PTPRN: variants seen among roughly 807,000 people sequenced by gnomAD.
The protein encoded by PTPRN is receptor-type tyrosine-protein phosphatase-like N.
PTPRN carries 70 observed loss-of-function variants against 108.5 expected under a neutral mutation model. That is an observed-to-expected ratio of 0.65 (90% CI 0.53 to 0.79). The LOEUF is 0.79. Ranked by LOEUF, PTPRN falls within the 30% of genes least tolerant of loss-of-function variation. PTPRN has a pLI of 0.00. For missense variants in PTPRN, 1,136 were observed against 1,295.5 expected, an observed-to-expected ratio of 0.88 and a Z score of 1.89; for synonymous variants, 496 against 524.6, an observed-to-expected ratio of 0.95 and a Z score of 0.75.
At chr2:219,307,364 A>G in intron 3 of PTPRN, 80 bp downstream of exon 3, 1 of 1,230,002 alleles carries the variant, frequency 8.1e-7, no homozygotes, top group Non-Finnish European at 1.2e-6. Context: ...TGATAGGAAT[A>G]TTCCTTGAAG....
rs528220916 is a variant in PTPRN at position 219,297,582 on chromosome 2, T to C, written c.1888-149A>G. On this transcript the variant is annotated intron_variant, in intron 13 of 22. Transcript: ENST00000295718. The surrounding 1 kb of genome is among the most constrained non-coding windows in gnomAD (Gnocchi z 6.0). ...GGTATGGTCTTCTGCCTGGCCCTGA[T>C]CCTTTCCAGGGCTGTTTTGCTTGGG... 2.4e-6 allele frequency: 2 copies of C among 838,668 alleles called. No homozygotes were observed. The highest frequency in any genetic ancestry group is 3.4e-5 in the African/African-American group (2 of 58,526). 52.0% of individuals were successfully genotyped at this position (838,668 alleles called of 1,614,324 possible). A position where few individuals can be genotyped will look rare whatever the true frequency, so the allele number is the denominator to read the frequency against.
chr2:219,295,262 A>C, intron 18 of PTPRN, 121 bp from the exon 19 acceptor site: 1 of 1,107,514 alleles, frequency 9.0e-7, no homozygotes, highest in Non-Finnish European at 1.3e-6. Flanking sequence ...GCCGGTTCAA[A>C]TTCTAAGTTC....
chr2:219,290,778 CT>C lies in PTPRN; in HGVS notation c.2794+47del. 1 of 1,586,966 alleles carries C rather than the reference CT, an allele frequency of 6.3e-7. No homozygotes were observed. Among genetic ancestry groups the C allele is most frequent in the Non-Finnish European group, 8.7e-7 (1 of 1,155,526 alleles). On this transcript the variant is annotated intron_variant, in intron 21 of 22. Transcript: ENST00000295718. This position sits in a 1 kb window ranked among gnomAD's most constrained non-coding sequence, Gnocchi z 4.2. The stretch of plus-strand genomic sequence containing the variant: ...CCCAGGACCCTGTGTGCTGGGGAGC[CT>C]CTAAAAAGGGCCTGGGGGCTGCGGG...
intron 19 of PTPRN, chr2:219,292,972 C>T (rs1443554607): frequency 1.3e-5 from 2 of 152,142 alleles, no homozygotes; most frequent in Admixed American, 6.5e-5. Flanking sequence ...CTCTCCCAGC[C>T]GTGGAAAAAT....
At chr2:219,307,686 C>T in intron 2 of PTPRN, 106 bp downstream of exon 2, 2 of 1,496,924 alleles carry the variant, frequency 1.3e-6, no homozygotes, top group South Asian at 1.2e-5. Flanking sequence ...CTTCCTTCTT[C>T]TCAAGCCCAG....
At chr2:219,306,195 A>T (rs1952481061) in intron 3 of PTPRN, among the ~76,000 whole-genome samples, 1 of 151,994 alleles carries the variant, frequency 6.6e-6, no homozygotes, top group Non-Finnish European at 1.5e-5. Context: ...ACCCAAAAAA[A>T]CTTTGACTCC....
At chr2:219,303,852 G>A (rs759252967) in intron 3 of PTPRN, 21 bp from the exon 4 acceptor site, 8 of 1,588,534 alleles carry the variant, frequency 5.0e-6, no homozygotes, top group South Asian at 3.4e-5. Flanking sequence ...AGAGGACAGC[G>A]TAAGTTGGTT....
In PTPRN at chr2:219,299,401, A is replaced by G. The variant is rs751284535; in HGVS notation, c.1524-17T>C. ...CCCACCACACTGCCAGATAGGAGCT[A>G]TGTTACTGCCTTCTCCACCCCAGAC... On this transcript the variant is annotated splice_polypyrimidine_tract_variant and intron_variant, in intron 10 of 22. Transcript: ENST00000295718. 6 of 1,612,666 alleles carry G rather than the reference A, an allele frequency of 3.7e-6. No homozygotes were observed. The highest frequency in any genetic ancestry group is 3.3e-5 in the Admixed American group (2 of 60,020).
intron 2 of PTPRN, 21 bp downstream of exon 2, chr2:219,307,771 C>T: frequency 6.2e-7 from 1 of 1,613,116 alleles, no homozygotes; most frequent in Non-Finnish European, 8.5e-7. Context: ...CTTGTGAGTT[C>T]TATGCTTGGG....
At chr2:219,301,865 G>T in intron 6 of PTPRN, 146 bp from the exon 7 acceptor site, 1 of 1,145,538 alleles carries the variant, frequency 8.7e-7, no homozygotes, top group Non-Finnish European at 1.2e-6. Context: ...CCCTTTCCCA[G>T]CCCTTGTCCA....
Position 219,290,720 on chromosome 2 carries a change from G to A in PTPRN, c.2794+106C>T. 6.7e-7 allele frequency: 1 copy of A among 1,500,220 alleles called. No individual in the cohort carries two copies. The highest frequency in any genetic ancestry group is 9.2e-7 in the Non-Finnish European group (1 of 1,082,658). The allele number at this position is 1,500,220 out of a possible 1,614,324, so 92.9% of individuals were successfully genotyped here. ...AAAGAGCCTTGGAGGGCTGGGCAGA[G>A]CCTGGAGGTTGACAACCTGCTCCTT... On this transcript the variant is annotated intron_variant, in intron 21 of 22. Coordinates refer to ENST00000295718, the MANE Select transcript of PTPRN (RefSeq NM_002846.4). This position sits in a 1 kb window ranked among gnomAD's most constrained non-coding sequence, Gnocchi z 4.2.
Position 219,299,567 on chromosome 2 carries a change from C to A in PTPRN, c.1523+133G>T, listed in dbSNP as rs1010506104. 7 of 1,169,216 alleles carry A rather than the reference C, an allele frequency of 6.0e-6. No individual in the cohort carries two copies. In the African/African-American group the frequency reaches 6.1e-5, roughly 10 times the overall value. 72.4% of individuals were successfully genotyped at this position (1,169,216 alleles called of 1,614,324 possible). On this transcript the variant is annotated intron_variant, in intron 10 of 22. Coordinates refer to ENST00000295718, the MANE Select transcript of PTPRN (RefSeq NM_002846.4). ...CAGCAACGGGCTGGGTGTGGCTGTA[C>A]CTTCAGTACAGCTGGGAGCATCCCT...
chr2:219,301,218 G>A (rs1228137886), intron 7 of PTPRN, among the ~76,000 whole-genome samples: 1 of 152,124 alleles, frequency 6.6e-6, no homozygotes, highest in Non-Finnish European at 1.5e-5. Context: ...CTCTCTCAAA[G>A]CTATTCTTTG....
At position 219,300,131 on chromosome 2, in the gene PTPRN, A is replaced by C; in HGVS notation, c.1290T>G (p.Ser430=). ...GGGGTCTGGCAGCTTTGGGAGGCTCAGAGGAGACAGGGCTTGGCACCTGCT... is the reference window on the plus strand; with the variant it reads ...GGGGTCTGGCAGCTTTGGGAGGCTCCGAGGAGACAGGGCTTGGCACCTGCT... ...EVQQVPSPVS[S]EPPKAARPPV... is the part of the protein sequence containing the mutation. Residue 430 remains serine, a synonymous_variant, in exon 9 of 23, where the codon TCT becomes TCG. Transcript: ENST00000295718. 6.2e-7 allele frequency: 1 copy of C among 1,614,096 alleles called. No individual in the cohort carries two copies. Among genetic ancestry groups the C allele is most frequent in the Non-Finnish European group, 8.5e-7 (1 of 1,179,982 alleles).
Position 219,290,667 on chromosome 2 carries a change from C to G in PTPRN, c.2795-56G>C. ...AGGGGGTGTCCAGAGGAGGACAGGA[C>G]CCAGAAAACCTGAGGCCTCCTGGAG... On this transcript the variant is annotated intron_variant, in intron 21 of 22. Coordinates refer to ENST00000295718, the MANE Select transcript of PTPRN (RefSeq NM_002846.4). The surrounding 1 kb of genome is among the most constrained non-coding windows in gnomAD (Gnocchi z 4.2). The G allele has an allele frequency of 6.6e-7, 1 of 1,511,756 alleles. No individual in the cohort carries two copies. Among genetic ancestry groups the G allele is most frequent in the South Asian group, 1.2e-5 (1 of 83,734 alleles). The allele number at this position is 1,511,756 out of a possible 1,614,324, so 93.6% of individuals were successfully genotyped here.
chr2:219,303,434 T>C (rs1952407340), intron 4 of PTPRN, among the ~76,000 whole-genome samples: 1 of 152,222 alleles, frequency 6.6e-6, no homozygotes, highest in Non-Finnish European at 1.5e-5. Flanking sequence ...ATTGAACAAC[T>C]TCAGTCCAAC....
In PTPRN at chr2:219,296,162, T is replaced by TA. The variant is rs1163891988; in HGVS notation, c.2508+63dup. 2 of 1,596,974 alleles carry TA rather than the reference T, an allele frequency of 1.3e-6. No individual in the cohort carries two copies. The highest frequency in any genetic ancestry group is 2.7e-5 in the African/African-American group (2 of 74,594). ...AGTGCTCATTTGGTGAAGAAAACGT[T>TA]ACGAAAAGGCCATCATCTACTCTTC... On this transcript the variant is annotated intron_variant, in intron 18 of 22. Transcript: ENST00000295718. This position sits in a 1 kb window ranked among gnomAD's most constrained non-coding sequence, Gnocchi z 6.0.
chr2:219,299,188 G>T, intron 11 of PTPRN, 77 bp from the exon 12 acceptor site: 1 of 1,605,626 alleles, frequency 6.2e-7, no homozygotes, highest in Middle Eastern at 1.7e-4. Flanking sequence ...CCAAGCAGCA[G>T]GCAGGGCCCA....
intron 12 of PTPRN, 126 bp downstream of exon 12, chr2:219,298,921 C>T: frequency 1.7e-6 from 2 of 1,142,856 alleles, no homozygotes; most frequent in Non-Finnish European, 2.6e-6. Flanking sequence ...TGGGCGAAGG[C>T]CGCCTCCAGC....
Sources: gnomAD v4.1 joint callset for allele counts (sites outside exome capture counted in the v4.1 genomes callset) on GRCh38, gnomAD v4.1.1 for gene constraint, Gnocchi (gnomAD v3.1) non-coding constraint, MANE v1.5 for transcripts, NCBI Gene and HGNC (gene_info 2026-07-23, HGNC 2026-07-21) for gene names.